MARCHF11: variants seen among roughly 807,000 people sequenced by gnomAD.
MARCHF11 encodes E3 ubiquitin-protein ligase MARCHF11.
Under a neutral mutation model 37.3 loss-of-function variants are expected in MARCHF11, and 29 were observed. The observed-to-expected ratio is 0.78, with a 90% CI of 0.58 to 1.06. The LOEUF is 1.06. Ranked by LOEUF, MARCHF11 falls within the 50% of genes least tolerant of loss-of-function variation. The probability of loss-of-function intolerance (pLI) is 0.00; values close to 1 mark genes in which losing one functional copy is unlikely to be tolerated. For missense variants in MARCHF11, 482 were observed against 533.4 expected, an observed-to-expected ratio of 0.90 and a Z score of 0.95; for synonymous variants, 233 against 228.0, an observed-to-expected ratio of 1.02 and a Z score of -0.20.
chr5:16,108,784 T>C (rs1197302341), intron 2 of MARCHF11, among the ~76,000 whole-genome samples: 3 of 152,126 alleles, frequency 2.0e-5, no homozygotes, highest in Non-Finnish European at 4.4e-5. Flanking sequence ...AGTAGCTAAG[T>C]TACCTGAGGA....
chr5:16,128,843 A>G (rs1361727032), intron 2 of MARCHF11, among the ~76,000 whole-genome samples: 1 of 152,210 alleles, frequency 6.6e-6, no homozygotes, highest in Non-Finnish European at 1.5e-5. Context: ...AAAAATTTAG[A>G]AGAAAAATGT....
chr5:16,149,606 C>T (rs1462854378), intron 2 of MARCHF11, among the ~76,000 whole-genome samples: 2 of 152,116 alleles, frequency 1.3e-5, no homozygotes, highest in African/African-American at 4.8e-5. Context: ...CAGTTTCTCC[C>T]ACCTCCATTG....
At chr5:16,071,692 TAATA>T (rs1315545039) in intron 3 of MARCHF11, among the ~76,000 whole-genome samples, 1 of 152,218 alleles carries the variant, frequency 6.6e-6, no homozygotes, top group Non-Finnish European at 1.5e-5. Context: ...GTGTTATAAT[TAATA>T]GAGACTTACA....
intron 2 of MARCHF11, among the ~76,000 whole-genome samples, chr5:16,123,673 T>A (rs970019573): frequency 6.6e-6 from 1 of 152,158 alleles, no homozygotes; most frequent in Non-Finnish European, 1.5e-5. Context: ...CTCATTTCTA[T>A]GACAAGCTAT....
In MARCHF11 at chr5:16,088,958, T is replaced by C. The variant is rs1736744699; in HGVS notation, c.886+1931A>G. 5.9e-5 allele frequency among the ~76,000 whole-genome samples: 9 copies of C among 152,284 alleles called. No homozygotes were observed. In the South Asian group the frequency reaches 1.7e-3, roughly 28 times the overall value. ...CAAATTTCAAAAGAGAAGCTTGAAA[T>C]TGTCATATATTACTAAAAGATTATT... is the stretch of plus-strand genomic sequence containing the variant. On this transcript the variant is annotated intron_variant, in intron 3 of 3. Coordinates refer to ENST00000332432, the MANE Select transcript of MARCHF11 (RefSeq NM_001102562.3).
chr5:16,116,639 TA>T lies in MARCHF11; in HGVS notation c.694-25559del, dbSNP rs1193269117. ...AAAATTAATCTTAGGCTACTGGGATTAAAAAAAAAAAGTAAAAGCTGCTATT... is the reference window on the plus strand; with the variant it reads ...AAAATTAATCTTAGGCTACTGGGATTAAAAAAAAAAGTAAAAGCTGCTATT... On this transcript the variant is annotated intron_variant, in intron 2 of 3. Coordinates refer to ENST00000332432, the MANE Select transcript of MARCHF11 (RefSeq NM_001102562.3). 1.7e-3 allele frequency among the ~76,000 whole-genome samples: 243 copies of T among 145,816 alleles called. 2 individuals carry two copies. The highest frequency in any genetic ancestry group is 2.8e-3 in the Admixed American group (41 of 14,582).
Position 16,090,981 on chromosome 5 carries a change from G to C in MARCHF11, c.794C>G (p.Ser265Ter), listed in dbSNP as rs974105689. The C allele has an allele frequency of 6.2e-7, 1 of 1,612,528 alleles. No individual in the cohort carries two copies. Among genetic ancestry groups the C allele is most frequent in the Non-Finnish European group, 8.5e-7 (1 of 1,179,560 alleles). Residue 265 changes from serine to a stop codon, truncating the protein, a stop_gained, in exon 3 of 4, where the codon TCA becomes TGA. Coordinates refer to ENST00000332432, the MANE Select transcript of MARCHF11 (RefSeq NM_001102562.3). LOFTEE classifies it high-confidence loss of function. Reference protein sequence around the residue: ...LIASVTWLLWSAFSPYAVWQR... With the variant: ...LIASVTWLLW ...CCACACTGCATAGGGGCTGAAGGCT[G>C]ACCAGAGGAGCCAAGTCACACTGGC...
chr5:16,089,602 TA>T (rs34711667), intron 3 of MARCHF11, among the ~76,000 whole-genome samples: 46,136 of 138,108 alleles, frequency 0.33, 8,221 homozygotes, highest in East Asian at 0.67. Flanking sequence ...AAGAAAAAAG[TA>T]AAAAAAAAAA....
chr5:16,134,334 T>C (rs1737572813), intron 2 of MARCHF11, among the ~76,000 whole-genome samples: 1 of 152,152 alleles, frequency 6.6e-6, no homozygotes, highest in African/African-American at 2.4e-5. Context: ...TCCACCCTCA[T>C]GAGTGGATTA....
At chr5:16,081,399 G>C (rs1407681459) in intron 3 of MARCHF11, among the ~76,000 whole-genome samples, 1 of 152,104 alleles carries the variant, frequency 6.6e-6, no homozygotes, top group Admixed American at 6.5e-5. Context: ...TTATCCAAAG[G>C]CACCAAAGTT....
chr5:16,132,723 A>C (rs761272534), intron 2 of MARCHF11, among the ~76,000 whole-genome samples: 6 of 152,222 alleles, frequency 3.9e-5, no homozygotes, highest in Non-Finnish European at 8.8e-5. Context: ...CTTCTTGGAA[A>C]TCTAAGAAAG....
At chr5:16,094,529 G>T (rs1219152651) in intron 2 of MARCHF11, among the ~76,000 whole-genome samples, 1 of 152,088 alleles carries the variant, frequency 6.6e-6, no homozygotes, top group Non-Finnish European at 1.5e-5. Context: ...GTGTGTGTGT[G>T]TGTGCGCATG....
intron 2 of MARCHF11, among the ~76,000 whole-genome samples, chr5:16,158,078 C>T (rs150524388): frequency 1.3e-5 from 2 of 151,916 alleles, no homozygotes; most frequent in African/African-American, 2.4e-5. Context: ...ATAAAAAATG[C>T]CCAGCATTAC....
At chr5:16,168,985 A>G (rs171098) in intron 2 of MARCHF11, among the ~76,000 whole-genome samples, 147,238 of 152,172 alleles carry the variant, frequency 0.97, 71,347 homozygotes, top group East Asian at 1. Context: ...TATTTCCTGC[A>G]GGCTTTGGAA....
At chr5:16,114,660 C>CG in intron 2 of MARCHF11, among the ~76,000 whole-genome samples, 1 of 146,180 alleles carries the variant, frequency 6.8e-6, no homozygotes, top group East Asian at 2.0e-4. Flanking sequence ...AGAAGCTTTA[C>CG]TTTTTTTTTT....
intron 3 of MARCHF11, among the ~76,000 whole-genome samples, chr5:16,079,499 A>G (rs1365060683): frequency 2.0e-5 from 3 of 152,142 alleles, no homozygotes; most frequent in East Asian, 3.9e-4. Context: ...ACAAGACCCA[A>G]TCTTAACCCA....
chr5:16,163,375 T>A (rs1272909742), intron 2 of MARCHF11, among the ~76,000 whole-genome samples: 2 of 151,768 alleles, frequency 1.3e-5, no homozygotes, highest in Non-Finnish European at 2.9e-5. Flanking sequence ...ATCTAGGGAT[T>A]AAAAAAAACA....
Position 16,067,666 on chromosome 5 carries a change from A to C in MARCHF11, c.1014T>G (p.Ser338=). The C allele has an allele frequency of 1.2e-6, 2 of 1,613,976 alleles. No individual in the cohort carries two copies. The highest frequency in any genetic ancestry group is 1.7e-6 in the Non-Finnish European group (2 of 1,179,868). The change falls in exon 4 of 4, where the codon TCT becomes TCG. Residue 338 remains serine, a synonymous_variant. Coordinates refer to ENST00000332432, the MANE Select transcript of MARCHF11 (RefSeq NM_001102562.3). ...GCAACCACAAAGTCCTACTTGTGGA[A>C]GACTCTCCCCGGCTGCTTTCTTCGA... ...TDIEESSRGE[S]STSRTLWLPL... is the part of the protein sequence containing the mutation.
intron 2 of MARCHF11, among the ~76,000 whole-genome samples, chr5:16,132,542 C>T (rs531646938): frequency 6.6e-6 from 1 of 152,132 alleles, no homozygotes; most frequent in South Asian, 2.1e-4. Context: ...GGCAAACTAC[C>T]AGGATAATGC....
Sources: gnomAD v4.1 joint callset for allele counts (sites outside exome capture counted in the v4.1 genomes callset) on GRCh38, gnomAD v4.1.1 for gene constraint, MANE v1.5 for transcripts, NCBI Gene and HGNC (gene_info 2026-07-23, HGNC 2026-07-21) for gene names.